Variants in CHRM3 observed in about 807,000 individuals in gnomAD.
CHRM3 encodes muscarinic acetylcholine receptor M3.
A neutral mutation model predicts 41.8 loss-of-function variants in CHRM3; 11 were observed. That is an observed-to-expected ratio of 0.26 (90% CI 0.17 to 0.44). The LOEUF (loss-of-function observed/expected upper bound fraction) is 0.44, where lower values mean the gene tolerates loss of function less well. Among genes scored for constraint, CHRM3 ranks in the 20% least tolerant of loss-of-function variants. CHRM3 has a pLI of 1.00. For missense variants in CHRM3, 571 were observed against 745.4 expected (o/e 0.77, Z 2.72); for synonymous variants, 297 against 301.4 (o/e 0.99, Z 0.15).
intron 5 of CHRM3, among the ~76,000 whole-genome samples, chr1:239,735,747 GA>G: frequency 1.3e-5 from 2 of 152,182 alleles, no homozygotes; most frequent in South Asian, 4.1e-4. Context: ...GCCACCTGGA[GA>G]AAAATCTTCC....
intron 3 of CHRM3, among the ~76,000 whole-genome samples, chr1:239,562,988 G>T (rs145405602): frequency 1.6e-3 from 243 of 151,660 alleles, no homozygotes; most frequent in African/African-American, 5.7e-3. Flanking sequence ...GGAATAAACT[G>T]AAATTCATCA....
intron 6 of CHRM3, among the ~76,000 whole-genome samples, chr1:239,850,642 C>A (rs1056537017): frequency 6.6e-6 from 1 of 152,118 alleles, no homozygotes; most frequent in Non-Finnish European, 1.5e-5. Flanking sequence ...CCACGTGTTT[C>A]GGGAGGGACC....
chr1:239,859,829 A>ATATATATATG (rs1675481422), intron 6 of CHRM3, among the ~76,000 whole-genome samples: 1 of 41,262 alleles, frequency 2.4e-5, no homozygotes, highest in Non-Finnish European at 9.0e-5. Context: ...TTATATATAT[A>ATATATATATG]TATATATATA....
chr1:239,461,429 A>G (rs1665353185), intron 1 of CHRM3, among the ~76,000 whole-genome samples: 1 of 151,978 alleles, frequency 6.6e-6, no homozygotes, highest in Non-Finnish European at 1.5e-5. Flanking sequence ...AATTTGCAAA[A>G]GCTGATTCTA....
chr1:239,584,248 T>C (rs1335992189), intron 3 of CHRM3, among the ~76,000 whole-genome samples: 1 of 151,688 alleles, frequency 6.6e-6, no homozygotes, highest in African/African-American at 2.4e-5. Context: ...GGATTACAGG[T>C]GTGTGCCACC....
chr1:239,843,714 TC>T (rs991564024), intron 6 of CHRM3, among the ~76,000 whole-genome samples: 4 of 152,048 alleles, frequency 2.6e-5, no homozygotes, highest in African/African-American at 9.7e-5. Context: ...AGCATGTTCT[TC>T]CCCCCAGAAA....
intron 5 of CHRM3, among the ~76,000 whole-genome samples, chr1:239,809,788 C>A (rs1670973579): frequency 6.6e-6 from 1 of 152,178 alleles, no homozygotes; most frequent in African/African-American, 2.4e-5. Flanking sequence ...CGTGAGCCAC[C>A]ATGCCTGGCC....
chr1:239,528,369 C>T (rs1461052954), intron 2 of CHRM3, among the ~76,000 whole-genome samples: 1 of 152,188 alleles, frequency 6.6e-6, no homozygotes, highest in African/African-American at 2.4e-5. Flanking sequence ...AGGATAAATG[C>T]TTTCCATGGA....
At chr1:239,656,322 AT>A (rs201221969) in intron 4 of CHRM3, among the ~76,000 whole-genome samples, 10 of 116,944 alleles carry the variant, frequency 8.6e-5, no homozygotes, top group African/African-American at 2.0e-4. Context: ...TTAATAAAAT[AT>A]TTTTTTTTAA....
In CHRM3 at chr1:239,907,566, A is replaced by G. The variant is rs141933019; in HGVS notation, c.115A>G (p.Ser39Gly). 6.2e-7 allele frequency: 1 copy of G among 1,614,018 alleles called. No homozygotes were observed. Among genetic ancestry groups the G allele is most frequent in the Non-Finnish European group, 8.5e-7 (1 of 1,180,032 alleles). Residue 39 changes from serine (S) to glycine (G), a missense_variant, in exon 7 of 7, where the codon AGC (serine) becomes GGC (glycine). This residue lies in a region of CHRM3 where 92 missense variants were observed against 76.1 expected (regional missense o/e 1.21). Transcript: ENST00000676153. This position sits in a 1 kb window ranked among gnomAD's most constrained non-coding sequence, Gnocchi z 5.4. ...CCCGGGAACCGTCACTCATTTCGGC[A>G]GCTACAATGTTTCTCGAGCAGCTGG... is the stretch of plus-strand genomic sequence containing the variant. ...LPPGTVTHFG[S>G]YNVSRAAGNF...
At chr1:239,868,387 A>T (rs1435051701) in intron 6 of CHRM3, among the ~76,000 whole-genome samples, 1 of 152,188 alleles carries the variant, frequency 6.6e-6, no homozygotes, top group African/African-American at 2.4e-5. Context: ...GACCACACAG[A>T]GGTCCTTTTC....
At chr1:239,501,854 CA>C (rs112396891) in intron 2 of CHRM3, among the ~76,000 whole-genome samples, 14 of 148,936 alleles carry the variant, frequency 9.4e-5, no homozygotes, top group East Asian at 2.0e-4. Flanking sequence ...GACTCTGTCT[CA>C]AAAAAAAAAT....
intron 5 of CHRM3, among the ~76,000 whole-genome samples, chr1:239,680,397 G>C (rs1471266672): frequency 6.6e-6 from 1 of 152,094 alleles, no homozygotes; most frequent in Non-Finnish European, 1.5e-5. Flanking sequence ...AGCTGTAGCA[G>C]TACCTTCTGC....
At chr1:239,609,083 G>A (rs1666695751) in intron 3 of CHRM3, among the ~76,000 whole-genome samples, 1 of 152,164 alleles carries the variant, frequency 6.6e-6, no homozygotes, top group Non-Finnish European at 1.5e-5. Flanking sequence ...GATGATGAGT[G>A]TGTTCCACAC....
intron 3 of CHRM3, among the ~76,000 whole-genome samples, chr1:239,630,909 A>G (rs908534110): frequency 6.6e-6 from 1 of 152,046 alleles, no homozygotes; most frequent in African/African-American, 2.4e-5. Context: ...GGAGGGCAGC[A>G]GTGGGGAAGG....
intron 5 of CHRM3, among the ~76,000 whole-genome samples, chr1:239,806,845 G>C (rs1303615411): frequency 6.6e-6 from 1 of 152,154 alleles, no homozygotes; most frequent in Non-Finnish European, 1.5e-5. Flanking sequence ...GCAATACTAG[G>C]TGTACTTCCA....
intron 5 of CHRM3, among the ~76,000 whole-genome samples, chr1:239,731,415 G>A (rs535560559): frequency 2.1e-4 from 32 of 152,072 alleles, no homozygotes; most frequent in Admixed American, 1.1e-3. Flanking sequence ...TCTAATACAC[G>A]CTGTCTTATT....
intron 1 of CHRM3, among the ~76,000 whole-genome samples, chr1:239,389,760 C>A (rs1024861750): frequency 6.6e-6 from 1 of 152,180 alleles, no homozygotes; most frequent in Non-Finnish European, 1.5e-5. Flanking sequence ...ATTTTCCCAG[C>A]CAACATATTG....
intron 5 of CHRM3, among the ~76,000 whole-genome samples, chr1:239,769,522 A>G (rs1667489249): frequency 1.3e-5 from 2 of 152,328 alleles, no homozygotes; most frequent in South Asian, 2.1e-4. Context: ...GAGTCGTGAC[A>G]TTTTGCCATT....
Sources: allele counts gnomAD v4.1 joint callset (sites outside exome capture counted in the v4.1 genomes callset), GRCh38; gene constraint gnomAD v4.1.1; regional missense constraint gnomAD v4.1.1; non-coding constraint Gnocchi (gnomAD v3.1); transcripts MANE v1.5; gene names NCBI Gene and HGNC (gene_info 2026-07-23, HGNC 2026-07-21).